ACOT1: variants seen among roughly 807,000 people sequenced by gnomAD.
ACOT1 encodes acyl-coenzyme A thioesterase 1.
Under a neutral mutation model 15.7 loss-of-function variants are expected in ACOT1, and 8 were observed. That is an observed-to-expected ratio of 0.51 (90% confidence interval 0.30 to 0.92). The LOEUF is 0.92. Among genes scored for constraint, ACOT1 ranks in the 40% least tolerant of loss-of-function variants. The pLI, the probability that ACOT1 is intolerant of heterozygous loss-of-function variation, is 0.06. For missense variants in ACOT1, 151 were observed against 539.4 expected (o/e 0.28, Z 7.13); for synonymous variants, 67 against 241.2 (o/e 0.28, Z 6.69).
At chr14:73,503,059 A>G in the ACOT1 span, 1 of 1,430,422 alleles carries the variant, frequency 7.0e-7, no homozygotes, top group Non-Finnish European at 9.8e-7. Context: ...AATGAATGTT[A>G]ATTTTGTGCT....
chr14:73,502,901 A>G, the ACOT1 span: 10 of 1,611,060 alleles, frequency 6.2e-6, no homozygotes, highest in Non-Finnish European at 7.6e-6. Flanking sequence ...TTACCTGATT[A>G]TGTCGTGCAC....
At position 73,540,966 on chromosome 14, in the gene ACOT1, T is replaced by A. The variant is rs1225966989; in HGVS notation, c.458-527T>A. Reference sequence around the variant, plus strand: ...CATGTTGGCCAGGCTGGTCTCGAACTCCTGACCTCAGGTGATCCACCCGTC... The same window carrying A: ...CATGTTGGCCAGGCTGGTCTCGAACACCTGACCTCAGGTGATCCACCCGTC... On this transcript the variant is annotated intron_variant, in intron 1 of 2. Transcript: ENST00000311148. Among the ~76,000 whole-genome samples, 3 of 115,976 alleles carry A rather than the reference T, an allele frequency of 2.6e-5. 1 individual carries two copies. Among genetic ancestry groups the A allele is most frequent in the Admixed American group, 9.4e-5 (1 of 10,646 alleles). The allele number at this position is 115,976 out of a possible 152,430, so 76.1% of individuals were successfully genotyped here.
At chr14:73,495,391 A>C in the ACOT1 span, 31 of 1,608,728 alleles carry the variant, frequency 1.9e-5, no homozygotes, top group Non-Finnish European at 2.4e-5. Context: ...TTTTAATCTA[A>C]ATTAGAACAA....
the ACOT1 span, among the ~76,000 whole-genome samples, chr14:73,508,751 CAAAAAAAAAAAAA>C: frequency 5.2e-5 from 3 of 57,882 alleles, no homozygotes; most frequent in Non-Finnish European, 9.7e-5. Flanking sequence ...AACTCTGTCT[CAAAAAAAAAAAAA>C]AAAAAAAAAA....
the ACOT1 span, among the ~76,000 whole-genome samples, chr14:73,514,791 G>A: frequency 3.3e-5 from 5 of 152,136 alleles, no homozygotes; most frequent in Non-Finnish European, 4.4e-5. Context: ...ATAGTTGGCC[G>A]GGTACGGTGG....
the ACOT1 span, among the ~76,000 whole-genome samples, chr14:73,517,956 C>G: frequency 1.4e-4 from 21 of 151,930 alleles, no homozygotes; most frequent in Middle Eastern, 3.4e-3. Context: ...TGTGGTGGCG[C>G]GCACCTGTAG....
At chr14:73,492,010 C>G in the ACOT1 span, 1 of 1,613,978 alleles carries the variant, frequency 6.2e-7, no homozygotes, top group Non-Finnish European at 8.5e-7. This position sits in a 1 kb window ranked among gnomAD's most constrained non-coding sequence, Gnocchi z 4.9. Flanking sequence ...ACCTCACGCC[C>G]CCTAACTCGC....
chr14:73,491,185 G>C, the ACOT1 span: 2 of 1,598,896 alleles, frequency 1.3e-6, no homozygotes, highest in African/African-American at 1.4e-5. Context: ...TGAGGACGCA[G>C]ACGCTGCCTA....
intron 1 of ACOT1, among the ~76,000 whole-genome samples, chr14:73,540,363 A>G (rs1199141903): frequency 3.0e-5 from 4 of 135,514 alleles, no homozygotes; most frequent in South Asian, 2.4e-4. Context: ...AAATTGAGGT[A>G]TATTTCCAGC....
chr14:73,495,092 T>C, the ACOT1 span: 4 of 629,618 alleles, frequency 6.4e-6, no homozygotes, highest in African/African-American at 7.4e-5. Flanking sequence ...GAGTGGATGG[T>C]AGCCAAGAGG....
chr14:73,500,855 C>T, the ACOT1 span: 5 of 806,356 alleles, frequency 6.2e-6, no homozygotes, highest in South Asian at 9.0e-5. Flanking sequence ...CAGCCTTATG[C>T]TCATGAGATA....
At chr14:73,522,317 G>A in the ACOT1 span, 9 of 1,614,182 alleles carry the variant, frequency 5.6e-6, no homozygotes, top group Non-Finnish European at 7.6e-6. Context: ...CTTTTCCTGT[G>A]GGGGCAGGAT....
intron 1 of ACOT1, among the ~76,000 whole-genome samples, chr14:73,538,516 G>C (rs1888955983): frequency 9.1e-6 from 1 of 110,060 alleles, no homozygotes; most frequent in African/African-American, 3.0e-5. Context: ...GGGACGCTGA[G>C]GCAGAAGAAT....
the ACOT1 span, among the ~76,000 whole-genome samples, chr14:73,504,567 C>G: frequency 3.3e-5 from 5 of 152,218 alleles, no homozygotes; most frequent in Non-Finnish European, 7.4e-5. Flanking sequence ...AATAATGCTC[C>G]TAGGTGACGC....
the ACOT1 span, chr14:73,492,025 C>T: frequency 1.5e-5 from 25 of 1,613,892 alleles, no homozygotes; most frequent in Admixed American, 1.2e-4. This position sits in a 1 kb window ranked among gnomAD's most constrained non-coding sequence, Gnocchi z 4.9. Context: ...ACTCGCAGGG[C>T]TTTGCCCCCC....
the ACOT1 span, among the ~76,000 whole-genome samples, chr14:73,496,284 GA>G: frequency 6.6e-6 from 1 of 152,090 alleles, no homozygotes; most frequent in Admixed American, 6.6e-5. Context: ...TGAAAAAAAG[GA>G]AAAATAAACA....
At chr14:73,506,802 C>CTATTTTTTTTTTTTTTTT in the ACOT1 span, among the ~76,000 whole-genome samples, 1 of 58,056 alleles carries the variant, frequency 1.7e-5, no homozygotes, top group Non-Finnish European at 2.9e-5. Context: ...CTGACTTTAA[C>CTATTTTTTTTTTTTTTTT]TGTTTTTTTT....
At chr14:73,504,827 T>G in the ACOT1 span, among the ~76,000 whole-genome samples, 1 of 152,176 alleles carries the variant, frequency 6.6e-6, no homozygotes, top group Non-Finnish European at 1.5e-5. Context: ...AAGGGAAAGC[T>G]CCCATTTGGA....
At chr14:73,505,890 C>CTTTT in the ACOT1 span, among the ~76,000 whole-genome samples, 7 of 113,320 alleles carry the variant, frequency 6.2e-5, no homozygotes, top group Non-Finnish European at 1.1e-4. Flanking sequence ...ATAAACGTTT[C>CTTTT]TTTTTTTTTT....
Sources: gnomAD v4.1 joint callset for allele counts (sites outside exome capture counted in the v4.1 genomes callset) on GRCh38, gnomAD v4.1.1 for gene constraint, Gnocchi (gnomAD v3.1) non-coding constraint, MANE v1.5 for transcripts, NCBI Gene and HGNC (gene_info 2026-07-23, HGNC 2026-07-21) for gene names.